Variants in ZIC1 observed in about 807,000 individuals in gnomAD.
The protein encoded by ZIC1 is Zic family zinc finger 1.
In ZIC1, 4 loss-of-function variants were observed where a neutral mutation model predicts 30.9. The observed-to-expected ratio is 0.13, with a 90% CI of 0.06 to 0.30. The LOEUF is 0.30. ZIC1 is among the 10% of genes least tolerant of loss of function. The pLI is 1.00. For synonymous variants in ZIC1, 305 were observed against 277.5 expected (o/e 1.10, Z -0.98); for missense variants, 441 against 639.3 (o/e 0.69, Z 3.34).
intron 2 of ZIC1, 141 bp downstream of exon 2, chr3:147,412,822 G>T: frequency 9.3e-7 from 1 of 1,075,570 alleles, no homozygotes; most frequent in Non-Finnish European, 1.3e-6. Context: ...GTGGAACTGG[G>T]CAGAGAAGGT....
chr3:147,411,629 A>T (rs2087379693), intron 1 of ZIC1, among the ~76,000 whole-genome samples: 1 of 152,140 alleles, frequency 6.6e-6, no homozygotes, highest in Non-Finnish European at 1.5e-5. Flanking sequence ...GGGATTGAGG[A>T]GGCTTTTGGA....
intron 2 of ZIC1, 22 bp downstream of exon 2, chr3:147,412,703 C>A (rs989209678): frequency 6.2e-7 from 1 of 1,600,060 alleles, no homozygotes; most frequent in Admixed American, 1.7e-5. Context: ...ACTCTCGTCG[C>A]CCCCTTTGAG....
intron 2 of ZIC1, 97 bp downstream of exon 2, chr3:147,412,778 G>A (rs1559970832): frequency 3.4e-6 from 5 of 1,471,658 alleles, no homozygotes; most frequent in Non-Finnish European, 4.6e-6. Context: ...GGTGGCGGGA[G>A]CCAGAGGAAG....
In ZIC1 at chr3:147,416,378, G is replaced by A. The variant is rs1191647472; in HGVS notation, c.*2827G>A. The A allele has an allele frequency of 6.6e-6, 1 of 152,200 alleles. No individual in the cohort carries two copies. Among genetic ancestry groups the A allele is most frequent in the Non-Finnish European group, 1.5e-5 (1 of 68,036 alleles). The allele number at this position is 152,200 out of a possible 1,614,324, so 9.4% of individuals were successfully genotyped here. A position where few individuals can be genotyped will look rare whatever the true frequency, so the allele number is the denominator to read the frequency against. On this transcript the variant is annotated 3_prime_UTR_variant, in exon 3 of 3. Coordinates refer to ENST00000282928, the MANE Select transcript of ZIC1 (RefSeq NM_003412.4). The stretch of plus-strand genomic sequence containing the variant: ...TGCATTTAAGAAGATAGTAAATGAT[G>A]AGTTCATCTTTTCTTCGAACATTCC...
Position 147,413,480 on chromosome 3 carries a change from T to C in ZIC1, c.1273T>C (p.Ser425Pro), listed in dbSNP as rs75992939. The C allele has an allele frequency of 5.0e-6, 8 of 1,613,896 alleles. No homozygotes were observed. The highest frequency in any genetic ancestry group is 6.8e-6 in the Non-Finnish European group (8 of 1,180,004). The stretch of plus-strand genomic sequence containing the variant: ...CCCGACCACAAGCTCCTTATCGCCC[T>C]CCTCCTCCGCAGTCCACCACACAGC... ...DNPTTSSLSP[S>P]SSAVHHTAGH... is the part of the protein sequence containing the mutation. The change falls in exon 3 of 3, where the codon TCC becomes CCC. Residue 425 changes from serine (S) to proline (P), a missense_variant. Coordinates refer to ENST00000282928, the MANE Select transcript of ZIC1 (RefSeq NM_003412.4).
rs1276071544 is a variant in ZIC1, at chr3:147,413,247, GGGGGCTCCAA to G, written c.1147-102_1147-93del. 6.2e-5 allele frequency: 75 copies of G among 1,218,502 alleles called. No homozygotes were observed. The East Asian group carries it at 1.2e-3, about 19-fold the overall frequency. 75.5% of individuals were successfully genotyped at this position (1,218,502 alleles called of 1,614,324 possible). On this transcript the variant is annotated intron_variant, in intron 2 of 2. Transcript: ENST00000282928. ...GCTGATCGGGCCTCACCTGTGTTCAGGGGGCTCCAAGGGGTCCAGGAGGAAGGGCACTCGC... is the reference window on the plus strand; with the variant it reads ...GCTGATCGGGCCTCACCTGTGTTCAGGGGGTCCAGGAGGAAGGGCACTCGC...
In ZIC1 at chr3:147,410,360, C is replaced by T. The variant is rs758404180; in HGVS notation, c.248C>T (p.Pro83Leu). 1.9e-6 allele frequency: 3 copies of T among 1,601,082 alleles called. No individual in the cohort carries two copies. Among genetic ancestry groups the T allele is most frequent in the Non-Finnish European group, 2.5e-6 (3 of 1,179,526 alleles). ...GCGGCCCTGGGCCATCACCATCACC[C>T]GGGCCACGTCGGCTCCTATTCCAGC... ...AAAALGHHHH[P>L]GHVGSYSSAA... Residue 83 changes from proline (P) to leucine (L), a missense_variant, in exon 1 of 3, where the codon CCG becomes CTG. This residue lies in a region of ZIC1 where 307 missense variants were observed against 355.3 expected (regional missense o/e 0.86). Coordinates refer to ENST00000282928, the MANE Select transcript of ZIC1 (RefSeq NM_003412.4).
intron 1 of ZIC1, among the ~76,000 whole-genome samples, chr3:147,411,632 C>T (rs2087379736): frequency 6.6e-6 from 1 of 152,084 alleles, no homozygotes; most frequent in South Asian, 2.1e-4. Flanking sequence ...ATTGAGGAGG[C>T]TTTTGGAGCT....
chr3:147,411,480 A>G (rs899028655), intron 1 of ZIC1, among the ~76,000 whole-genome samples: 5 of 152,166 alleles, frequency 3.3e-5, no homozygotes, highest in African/African-American at 4.8e-5. Context: ...CTTGCTGCCA[A>G]CATCTCTCTC....
chr3:147,411,248 T>C (rs1049516837), intron 1 of ZIC1, among the ~76,000 whole-genome samples, 154 bp downstream of exon 1: 4 of 150,934 alleles, frequency 2.7e-5, no homozygotes, highest in South Asian at 2.1e-4. Context: ...TGATTTTTAG[T>C]TTCTGGCTTG....
At chr3:147,412,713 G>C (rs759337656) in intron 2 of ZIC1, 32 bp downstream of exon 2, 7 of 1,597,436 alleles carry the variant, frequency 4.4e-6, no homozygotes, top group Middle Eastern at 1.7e-4. Context: ...CCCCCTTTGA[G>C]GCAGGAGCTC....
In ZIC1 at chr3:147,415,148, A is replaced by G. The variant is rs151282520; in HGVS notation, c.*1597A>G. ...TCAAACATGATGCTAATTTAAATTA[A>G]TTACTTCCTATGATATGTTATTATT... On this transcript the variant is annotated 3_prime_UTR_variant, in exon 3 of 3. Transcript: ENST00000282928. 2.0e-5 allele frequency: 3 copies of G among 152,756 alleles called. No individual in the cohort carries two copies. Among genetic ancestry groups the G allele is most frequent in the Non-Finnish European group, 2.9e-5 (2 of 68,032 alleles). 9.5% of individuals were successfully genotyped at this position (152,756 alleles called of 1,614,324 possible).
rs2087406518 is a variant in ZIC1 at position 147,413,865 on chromosome 3, TA to T, written c.*315del. ...GAGGGCCAGTTTCTTGTCGAATTGG[TA>T]CGGGCTCTCTGGGGCTTCGGCTTCT... On this transcript the variant is annotated 3_prime_UTR_variant, in exon 3 of 3. Transcript: ENST00000282928. 8.0e-6 allele frequency: 2 copies of T among 251,034 alleles called. No individual in the cohort carries two copies. Among genetic ancestry groups the T allele is most frequent in the Non-Finnish European group, 1.5e-5 (2 of 133,326 alleles). The allele number at this position is 251,034 out of a possible 1,614,324, so 15.6% of individuals were successfully genotyped here.
chr3:147,412,559 C>T lies in ZIC1; in HGVS notation c.1024C>T (p.Arg342Cys), dbSNP rs2087390291. Residue 342 changes from arginine to cysteine, a missense_variant, in exon 2 of 3, where the codon CGC becomes TGC. This residue lies in a region of ZIC1 where 14 missense variants were observed against 99.8 expected (regional missense o/e 0.14). Transcript: ENST00000282928. ...GTGCGAGTTTGAGGGCTGTGACCGG[C>T]GCTTCGCTAACAGCAGCGACCGCAA... is the stretch of plus-strand genomic sequence containing the variant. ...FKCEFEGCDR[R>C]FANSSDRKKH... 1 of 1,614,204 alleles carries T rather than the reference C, an allele frequency of 6.2e-7. No individual in the cohort carries two copies. Among genetic ancestry groups the T allele is most frequent in the Non-Finnish European group, 8.5e-7 (1 of 1,180,046 alleles).
In ZIC1 at chr3:147,410,457, C is replaced by T. The variant is rs755472053; in HGVS notation, c.345C>T (p.Ser115=). The part of the protein sequence containing the change: ...RGFGDAAAAA[S]AQHSLFAASA... The stretch of plus-strand genomic sequence containing the variant: ...TTGGCGACGCGGCGGCGGCAGCCAG[C>T]GCACAGCACAGCCTCTTTGCTGCAT... The change falls in exon 1 of 3, where the codon AGC becomes AGT. Residue 115 remains serine (S), a synonymous_variant. Coordinates refer to ENST00000282928, the MANE Select transcript of ZIC1 (RefSeq NM_003412.4). 7 of 1,604,652 alleles carry T rather than the reference C, an allele frequency of 4.4e-6. No individual in the cohort carries two copies. Among genetic ancestry groups the T allele is most frequent in the Non-Finnish European group, 5.1e-6 (6 of 1,179,538 alleles).
rs377195147 is a variant in ZIC1, at chr3:147,409,794, C to T, written c.-319C>T. 5 of 389,252 alleles carry T rather than the reference C, an allele frequency of 1.3e-5. No homozygotes were observed. Among genetic ancestry groups the T allele is most frequent in the African/African-American group, 8.5e-5 (4 of 47,300 alleles). 24.1% of individuals were successfully genotyped at this position (389,252 alleles called of 1,614,324 possible). A position where few individuals can be genotyped will look rare whatever the true frequency, so the allele number is the denominator to read the frequency against. ...TGCCTTTCCCCGGGCAGCCTTGACG[C>T]GCGGCCCTCTCGGCAGAGACTGAGC... On this transcript the variant is annotated 5_prime_UTR_variant, in exon 1 of 3. Coordinates refer to ENST00000282928, the MANE Select transcript of ZIC1 (RefSeq NM_003412.4).
At position 147,410,707 on chromosome 3, in the gene ZIC1, C is replaced by G. The variant is rs1576469698; in HGVS notation, c.595C>G (p.Pro199Ala). 1 of 1,614,000 alleles carries G rather than the reference C, an allele frequency of 6.2e-7. No homozygotes were observed. ...YAAPQLHGYGPMNVNMAAHHG... is the reference protein window; with the variant it reads ...YAAPQLHGYGAMNVNMAAHHG... ...TGCGCCGCAGCTGCACGGCTACGGG[C>G]CCATGAACGTGAACATGGCCGCGCA... Residue 199 changes from proline to alanine, a missense_variant, in exon 1 of 3, where the codon CCC becomes GCC. Around this residue, in one of 5 missense-constraint regions of ZIC1, gnomAD observed 307 missense variants for 355.3 expected, o/e 0.86. Coordinates refer to ENST00000282928, the MANE Select transcript of ZIC1 (RefSeq NM_003412.4).
In ZIC1 at chr3:147,413,140, C is replaced by T. The variant is rs144600281; in HGVS notation, c.1147-214C>T. On this transcript the variant is annotated intron_variant, in intron 2 of 2. Transcript: ENST00000282928. ...TCTCCCTCTTCCCAGACCTATTTTTCTTTTGTGAGTCTTGGGGACCCTGAC... is the reference window on the plus strand; with the variant it reads ...TCTCCCTCTTCCCAGACCTATTTTTTTTTTGTGAGTCTTGGGGACCCTGAC... Among the ~76,000 whole-genome samples, 720 of 152,224 alleles carry T rather than the reference C, an allele frequency of 4.7e-3. 6 individuals carry two copies. The highest frequency in any genetic ancestry group is 0.017 in the African/African-American group (700 of 41,536).
At position 147,414,958 on chromosome 3, in the gene ZIC1, C is replaced by T. The variant is rs536870691; in HGVS notation, c.*1407C>T. The T allele has an allele frequency of 2.2e-4, 33 of 152,692 alleles. No individual in the cohort carries two copies. Among genetic ancestry groups the T allele is most frequent in the African/African-American group, 7.9e-4 (33 of 41,536 alleles). The allele number at this position is 152,692 out of a possible 1,614,324, so 9.5% of individuals were successfully genotyped here. A position where few individuals can be genotyped will look rare whatever the true frequency, so the allele number is the denominator to read the frequency against. On this transcript the variant is annotated 3_prime_UTR_variant, in exon 3 of 3. Transcript: ENST00000282928. ...CCGCTGCCCCCTAGATTAAATTCCC[C>T]GGGCTGAAACTGAGTTGCAGATTTA... is the stretch of plus-strand genomic sequence containing the variant.
Sources: gnomAD v4.1 joint callset for allele counts (sites outside exome capture counted in the v4.1 genomes callset) on GRCh38, gnomAD v4.1.1 for gene constraint, gnomAD v4.1.1 regional missense constraint, MANE v1.5 for transcripts, NCBI Gene and HGNC (gene_info 2026-07-23, HGNC 2026-07-21) for gene names.